The following PHC3 variants were observed in gnomAD, a reference collection of about 807,000 sequenced individuals.
The protein encoded by PHC3 is polyhomeotic homolog 3.
PHC3 carries 13 observed loss-of-function variants against 107.4 expected under a neutral mutation model. The observed-to-expected ratio is 0.12, with a 90% CI of 0.08 to 0.19. PHC3 has a LOEUF of 0.19. Ranked by LOEUF, PHC3 falls within the 10% of genes least tolerant of loss-of-function variation. PHC3 has a pLI of 1.00. For missense variants in PHC3, 992 were observed against 1,210.9 expected (o/e 0.82, Z 2.68); for synonymous variants, 456 against 427.4 (o/e 1.07, Z -0.83).
At chr3:170,127,190 CT>C (rs1175041355) in intron 8 of PHC3, among the ~76,000 whole-genome samples, 1 of 151,920 alleles carries the variant, frequency 6.6e-6, no homozygotes, top group Non-Finnish European at 1.5e-5. Flanking sequence ...TTTTTCTTTC[CT>C]TTTTTTGAGA....
At chr3:170,179,026 T>G in intron 1 of PHC3, 88 bp from the exon 2 acceptor site, 1 of 1,247,352 alleles carries the variant, frequency 8.0e-7, no homozygotes. Flanking sequence ...TAATCAGCAG[T>G]AATCTAAACT....
intron 4 of PHC3, chr3:170,170,434 C>T (rs184575736): frequency 6.6e-6 from 1 of 150,458 alleles, no homozygotes; most frequent in Admixed American, 6.7e-5. Context: ...CCCCTGACAA[C>T]AAAGAATTAT....
rs573261573 is a variant in PHC3 at position 170,148,836 on chromosome 3, C to G, written c.573+250G>C. On this transcript the variant is annotated intron_variant, in intron 5 of 14. Transcript: ENST00000495893. Reference sequence around the variant, plus strand: ...TGAATTTGATATTAAAAAATAATCACTCTTACGTTACTGAATCTCTATTAG... The same window carrying G: ...TGAATTTGATATTAAAAAATAATCAGTCTTACGTTACTGAATCTCTATTAG... The G allele has an allele frequency of 1.3e-4, 45 of 340,186 alleles. 1 individual carries two copies. In the East Asian group the frequency reaches 2.1e-3, roughly 16 times the overall value. 21.1% of individuals were successfully genotyped at this position (340,186 alleles called of 1,614,324 possible).
chr3:170,106,848 T>C lies in PHC3; in HGVS notation c.2452A>G (p.Met818Val), dbSNP rs528000674. The change falls in exon 12 of 15, where the codon ATG becomes GTG. Residue 818 changes from methionine (M) to valine (V), a missense_variant. Physicochemically the swap from Met to Val is conservative, Grantham distance 21. Around this residue, in one of 6 missense-constraint regions of PHC3, gnomAD observed 228 missense variants for 288.8 expected, o/e 0.79. Coordinates refer to ENST00000495893, the MANE Select transcript of PHC3 (RefSeq NM_024947.4). The stretch of plus-strand genomic sequence containing the variant: ...CAGAAATACCTTTTGGCACATGACA[T>C]AGTGCAGAATCGTTTTGACCGCAAA... Reference protein sequence around the residue: ...EFLRSKRFCTMSCAKRYNVSC... With the variant: ...EFLRSKRFCTVSCAKRYNVSC... 2.5e-6 allele frequency: 4 copies of C among 1,609,974 alleles called. No individual in the cohort carries two copies. Among genetic ancestry groups the C allele is most frequent in the African/African-American group, 1.3e-5 (1 of 74,890 alleles).
chr3:170,152,329 C>T lies in PHC3; in HGVS notation c.415-3085G>A, dbSNP rs574451735. ...GGGACTACAGGCGCCCACCACCACGCCTGGCTAATTTTTTTTTTTTTTTTT... is the reference window on the plus strand; with the variant it reads ...GGGACTACAGGCGCCCACCACCACGTCTGGCTAATTTTTTTTTTTTTTTTT... On this transcript the variant is annotated intron_variant, in intron 4 of 14. Transcript: ENST00000495893. Among the ~76,000 whole-genome samples, 118 of 149,972 alleles carry T rather than the reference C, an allele frequency of 7.9e-4. No homozygotes were observed. The Middle Eastern group carries it at 0.01, about 13-fold the overall frequency.
intron 2 of PHC3, among the ~76,000 whole-genome samples, chr3:170,175,607 A>G (rs1473358269): frequency 6.7e-6 from 1 of 149,712 alleles, no homozygotes; most frequent in Non-Finnish European, 1.5e-5. Flanking sequence ...AGCCTAGGCA[A>G]CACAGAGGGA....
At chr3:170,110,452 C>A (rs577713092) in intron 11 of PHC3, among the ~76,000 whole-genome samples, 1 of 152,168 alleles carries the variant, frequency 6.6e-6, no homozygotes, top group Admixed American at 6.5e-5. Context: ...AATGTTCTCG[C>A]TGTTTATCCT....
chr3:170,113,882 C>CGTTGG (rs1718355842), intron 10 of PHC3, among the ~76,000 whole-genome samples: 1 of 152,000 alleles, frequency 6.6e-6, no homozygotes, highest in East Asian at 1.9e-4. Context: ...CTCAGTCCAA[C>CGTTGG]ACTGAAAAAC....
At chr3:170,169,826 T>G (rs551464061) in intron 4 of PHC3, 1 of 152,310 alleles carries the variant, frequency 6.6e-6, no homozygotes, top group East Asian at 1.9e-4. Context: ...AATAAAGAAT[T>G]TGTCTATATA....
Position 170,122,852 on chromosome 3 carries a change from G to A in PHC3, c.1789-108C>T, listed in dbSNP as rs748985476. ...TATGTGTATTAAATTTAAAAACAAG[G>A]CAAAAATGACTACTCTAACAGACTG... On this transcript the variant is annotated intron_variant, in intron 8 of 14. Coordinates refer to ENST00000495893, the MANE Select transcript of PHC3 (RefSeq NM_024947.4). 20 of 1,284,534 alleles carry A rather than the reference G, an allele frequency of 1.6e-5. No individual in the cohort carries two copies. The Middle Eastern group carries it at 8.0e-4, about 51-fold the overall frequency. The allele number at this position is 1,284,534 out of a possible 1,614,324, so 79.6% of individuals were successfully genotyped here. A position where few individuals can be genotyped will look rare whatever the true frequency, so the allele number is the denominator to read the frequency against.
intron 11 of PHC3, among the ~76,000 whole-genome samples, chr3:170,107,448 T>C (rs971633072): frequency 5.9e-5 from 9 of 152,094 alleles, no homozygotes; most frequent in African/African-American, 2.2e-4. Context: ...GCAAAATAAT[T>C]AACTCTCTCG....
chr3:170,104,896 GT>G (rs776192600), intron 12 of PHC3, among the ~76,000 whole-genome samples: 1 of 152,030 alleles, frequency 6.6e-6, no homozygotes, highest in Non-Finnish European at 1.5e-5. Flanking sequence ...TTCTTTATCC[GT>G]TAAGAAAAGA....
intron 6 of PHC3, among the ~76,000 whole-genome samples, chr3:170,139,375 A>C (rs1376386219): frequency 2.6e-5 from 4 of 152,196 alleles, no homozygotes; most frequent in Non-Finnish European, 5.9e-5. Flanking sequence ...AGGCACATTA[A>C]AATCTTCCAG....
intron 4 of PHC3, among the ~76,000 whole-genome samples, chr3:170,150,127 ACT>A (rs1725662513): frequency 6.6e-6 from 1 of 152,208 alleles, no homozygotes; most frequent in Non-Finnish European, 1.5e-5. Context: ...AAAAAGAGCT[ACT>A]GTTTCATTTT....
chr3:170,126,810 G>A (rs1721383990), intron 8 of PHC3, among the ~76,000 whole-genome samples: 1 of 151,648 alleles, frequency 6.6e-6, no homozygotes, highest in South Asian at 2.1e-4. Context: ...CAAAGTGCTG[G>A]GATTAGAGGT....
intron 14 of PHC3, chr3:170,102,097 AAAT>A: frequency 1.0e-6 from 1 of 952,886 alleles, no homozygotes; most frequent in Non-Finnish European, 1.2e-6. Context: ...TTAAAAGGTT[AAAT>A]TAGGAAATAA....
rs765236450 is a variant in PHC3 at position 170,129,351 on chromosome 3, G to A, written c.1121C>T (p.Pro374Leu). Residue 374 changes from proline (P) to leucine (L), a missense_variant, in exon 8 of 15, where the codon CCA (proline) becomes CTA (leucine). Pro to Leu is a moderately conservative substitution (Grantham distance 98). Transcript: ENST00000495893. ...CTGTGACTGGGCATTACTGGGAGCT[G>A]GAGGAAGGCCATGGTTCTGGAGTGG... ...CIPLQNHGLP[P>L]APSNAQSQHC... The A allele has an allele frequency of 1.8e-5, 29 of 1,613,938 alleles. No individual in the cohort carries two copies. The South Asian group carries it at 3.2e-4, about 18-fold the overall frequency.
intron 9 of PHC3, among the ~76,000 whole-genome samples, chr3:170,121,845 A>T (rs977073984): frequency 1.3e-5 from 2 of 152,226 alleles, no homozygotes; most frequent in African/African-American, 4.8e-5. Context: ...ATGAATGTGA[A>T]TGAGCATATG....
chr3:170,176,759 A>G (rs2108780939), intron 2 of PHC3: 7 of 273,948 alleles, frequency 2.6e-5, no homozygotes, highest in South Asian at 2.2e-4. Flanking sequence ...AGCTATTACT[A>G]TCTACTGGAA....
Sources: gnomAD v4.1 joint callset for allele counts (sites outside exome capture counted in the v4.1 genomes callset) on GRCh38, gnomAD v4.1.1 for gene constraint, gnomAD v4.1.1 regional missense constraint, MANE v1.5 for transcripts, NCBI Gene and HGNC (gene_info 2026-07-23, HGNC 2026-07-21) for gene names.